Variants in TTLL3 observed in about 807,000 individuals in gnomAD.
TTLL3 encodes tubulin tyrosine ligase like 3.
TTLL3 carries 63 observed loss-of-function variants against 75.2 expected under a neutral mutation model. The ratio of observed to expected loss-of-function variants is 0.84; its 90% CI spans 0.68 to 1.03. TTLL3 has a LOEUF of 1.03. Among genes scored for constraint, TTLL3 ranks in the 50% least tolerant of loss-of-function variants. The pLI is 0.00. For missense variants in TTLL3, 997 were observed against 1,069.9 expected, an observed-to-expected ratio of 0.93 and a Z score of 0.95; for synonymous variants, 393 against 418.5, an observed-to-expected ratio of 0.94 and a Z score of 0.74.
At chr3:9,818,032 A>C (rs1229781324) in intron 6 of TTLL3, 2 of 342,906 alleles carry the variant, frequency 5.8e-6, no homozygotes, top group Non-Finnish European at 1.1e-5. Context: ...TTGAGTTTGG[A>C]ATCCAGAACA....
chr3:9,810,149 G>C (rs576291408), upstream of TTLL3: 5 of 1,475,262 alleles, frequency 3.4e-6, no homozygotes, highest in South Asian at 5.1e-5. This position sits in a 1 kb window ranked among gnomAD's most constrained non-coding sequence, Gnocchi z 4.4. Context: ...CCACGCACCA[G>C]TTTCCCCTCG....
chr3:9,824,668 C>G lies in TTLL3; in HGVS notation c.855-1132C>G, dbSNP rs760703926. Among the ~76,000 whole-genome samples, 7 of 151,960 alleles carry G rather than the reference C, an allele frequency of 4.6e-5. No individual in the cohort carries two copies. In the South Asian group the frequency reaches 1.5e-3, roughly 32 times the overall value. On this transcript the variant is annotated intron_variant, in intron 8 of 13. Transcript: ENST00000685419. ...TTGTGATCCGCCCACCTTGCCCTCC[C>G]AAAGTGCTGGGATTACAAGCGTGAG...
At chr3:9,816,253 G>A (rs1398399788) in intron 5 of TTLL3, 51 bp downstream of exon 5, 2 of 1,315,392 alleles carry the variant, frequency 1.5e-6, no homozygotes, top group African/African-American at 1.5e-5. Flanking sequence ...CCTGCCCTTG[G>A]GCTGGCAGCT....
intron 11 of TTLL3, among the ~76,000 whole-genome samples, chr3:9,830,826 G>A (rs762688766): frequency 1.3e-5 from 2 of 151,432 alleles, no homozygotes; most frequent in Non-Finnish European, 2.9e-5. Context: ...TTTTTGAGAC[G>A]GGGTCTTGCT....
intron 7 of TTLL3, chr3:9,819,122 C>T: frequency 3.0e-6 from 2 of 657,616 alleles, no homozygotes; most frequent in Middle Eastern, 4.1e-4. Context: ...CACCCACTCT[C>T]TGATCTACCG....
chr3:9,809,845 G>A (rs1392516795), upstream of TTLL3: 9 of 495,848 alleles, frequency 1.8e-5, no homozygotes, highest in Non-Finnish European at 2.8e-5. Context: ...CGAGCGGTCT[G>A]ATGGTGCCCA....
intron 10 of TTLL3, chr3:9,827,912 TG>T (rs1239503812): frequency 1.3e-5 from 2 of 152,096 alleles, no homozygotes; most frequent in Non-Finnish European, 2.9e-5. Flanking sequence ...GAGGCCGAGG[TG>T]GGTGGATCAC....
At chr3:9,817,392 C>G (rs1203313367) in intron 5 of TTLL3, 1 of 978,654 alleles carries the variant, frequency 1.0e-6, no homozygotes, top group East Asian at 1.1e-4. Context: ...CCACTGCACT[C>G]CAGCCTGGGT....
At position 9,834,720 on chromosome 3, in the gene TTLL3, T is replaced by A. The variant is rs751394355; in HGVS notation, c.1865T>A (p.Leu622Gln). ...HFPSLHTKAQ[L>Q]PSPHVLRHQG... ...CCCAGCCTCCACACCAAGGCCCAGC[T>A]GCCTTCTCCCCATGTACTCCGACAC... is the stretch of plus-strand genomic sequence containing the variant. The change falls in exon 13 of 14, where the codon CTG becomes CAG. Residue 622 changes from leucine to glutamine, a missense_variant. By Grantham distance (113) the Leu-to-Gln change is moderately radical. Coordinates refer to ENST00000685419, the MANE Select transcript of TTLL3 (RefSeq NM_001387446.1). 1 of 1,614,180 alleles carries A rather than the reference T, an allele frequency of 6.2e-7. No homozygotes were observed. The highest frequency in any genetic ancestry group is 1.7e-5 in the Admixed American group (1 of 60,030).
chr3:9,835,705 T>C lies in TTLL3; in HGVS notation c.*216T>C. On this transcript the variant is annotated 3_prime_UTR_variant, in exon 14 of 14. Transcript: ENST00000685419. ...CGACGCAGGGACATATTGCCAGAACTGCCGAGCACTGGGAGCCCCCCAACC... is the reference window on the plus strand; with the variant it reads ...CGACGCAGGGACATATTGCCAGAACCGCCGAGCACTGGGAGCCCCCCAACC... The C allele has an allele frequency of 1.9e-6, 1 of 517,534 alleles. No homozygotes were observed. The highest frequency in any genetic ancestry group is 3.3e-6 in the Non-Finnish European group (1 of 299,694). The allele number at this position is 517,534 out of a possible 1,614,324, so 32.1% of individuals were successfully genotyped here. A position where few individuals can be genotyped will look rare whatever the true frequency, so the allele number is the denominator to read the frequency against.
rs752624906 is a variant in TTLL3 at position 9,812,980 on chromosome 3, T to C, written c.86T>C (p.Val29Ala). 5.2e-6 allele frequency: 8 copies of C among 1,534,230 alleles called. No homozygotes were observed. The African/African-American group carries it at 5.5e-5, about 11-fold the overall frequency. Reference sequence around the variant, plus strand: ...TTTACAATCCAAGGCTGCTACCCGGTGATCCGGTGTCTCTTGCGCCGGAGG... The same window carrying C: ...TTTACAATCCAAGGCTGCTACCCGGCGATCCGGTGTCTCTTGCGCCGGAGG... The part of the protein sequence containing the change: ...KIFTIQGCYP[V>A]IRCLLRRRGW... The change falls in exon 3 of 14, where the codon GTG becomes GCG. Residue 29 changes from valine (V) to alanine (A), a missense_variant. Transcript: ENST00000685419.
At chr3:9,820,148 G>A in intron 7 of TTLL3, 3 of 1,009,134 alleles carry the variant, frequency 3.0e-6, no homozygotes, top group Non-Finnish European at 3.6e-6. Flanking sequence ...TCTGGTGTGT[G>A]GACTTAAGAA....
intron 10 of TTLL3, chr3:9,827,772 C>T (rs2081184425): frequency 6.5e-6 from 1 of 153,110 alleles, no homozygotes; most frequent in South Asian, 2.1e-4. Flanking sequence ...AAACAAGATC[C>T]CAGCTCTCAA....
intron 5 of TTLL3, chr3:9,817,284 T>C (rs1453665350): frequency 5.1e-6 from 1 of 196,846 alleles, no homozygotes; most frequent in African/African-American, 2.4e-5. Context: ...ATTAGCTGGA[T>C]GTGGTGTCGG....
At chr3:9,825,452 A>AC (rs1266814562) in intron 8 of TTLL3, 1 of 347,720 alleles carries the variant, frequency 2.9e-6, no homozygotes, top group Non-Finnish European at 5.7e-6. Context: ...AATGCCTGGC[A>AC]CATAGTGGTG....
At chr3:9,825,108 T>C (rs1423685837) in intron 8 of TTLL3, among the ~76,000 whole-genome samples, 2 of 152,088 alleles carry the variant, frequency 1.3e-5, no homozygotes, top group Admixed American at 1.3e-4. Context: ...TCCCAGCATT[T>C]TGGGAGGCTG....
At chr3:9,815,130 C>T (rs1168983304) in intron 4 of TTLL3, among the ~76,000 whole-genome samples, 1 of 151,472 alleles carries the variant, frequency 6.6e-6, no homozygotes. Context: ...ATCCCAGCTA[C>T]TAGGGAGGCT....
intron 11 of TTLL3, among the ~76,000 whole-genome samples, chr3:9,830,300 G>T (rs7613920): frequency 0.63 from 95,204 of 151,772 alleles, 30,966 homozygotes; most frequent in Non-Finnish European, 0.7. Flanking sequence ...ACTATTATTA[G>T]TAGTATTATA....
chr3:9,817,640 C>T lies in TTLL3; in HGVS notation c.445-5C>T, dbSNP rs373008901. ...GCCCTGCCCTCTCAGTGGCTAACTCCGTAGGTGGGTCTATGTCTCAATCTC... is the reference window on the plus strand; with the variant it reads ...GCCCTGCCCTCTCAGTGGCTAACTCTGTAGGTGGGTCTATGTCTCAATCTC... On this transcript the variant is annotated splice_region_variant and splice_polypyrimidine_tract_variant and intron_variant, in intron 5 of 13. Transcript: ENST00000685419. 10 of 1,613,830 alleles carry T rather than the reference C, an allele frequency of 6.2e-6. No individual in the cohort carries two copies. The highest frequency in any genetic ancestry group is 1.7e-5 in the Admixed American group (1 of 59,986).
Sources: allele counts gnomAD v4.1 joint callset (sites outside exome capture counted in the v4.1 genomes callset), GRCh38; gene constraint gnomAD v4.1.1; non-coding constraint Gnocchi (gnomAD v3.1); transcripts MANE v1.5; gene names NCBI Gene and HGNC (gene_info 2026-07-23, HGNC 2026-07-21).